SLC4A10: variants seen among roughly 807,000 people sequenced by gnomAD.
The protein encoded by SLC4A10 is solute carrier family 4 member 10.
Under a neutral mutation model 137.7 loss-of-function variants are expected in SLC4A10, and 42 were observed. The ratio of observed to expected loss-of-function variants is 0.30; its 90% CI spans 0.24 to 0.39. The LOEUF is 0.39. Among genes scored for constraint, SLC4A10 ranks in the 10% least tolerant of loss-of-function variants. The pLI is 1.00. For synonymous variants in SLC4A10, 474 were observed against 464.1 expected, an observed-to-expected ratio of 1.02 and a Z score of -0.27; for missense variants, 925 against 1,355.0, an observed-to-expected ratio of 0.68 and a Z score of 4.98.
At chr2:161,757,688 G>C (rs1574803750) in intron 1 of SLC4A10, among the ~76,000 whole-genome samples, 1 of 152,092 alleles carries the variant, frequency 6.6e-6, no homozygotes, top group East Asian at 1.9e-4. Context: ...CCACTCTACT[G>C]CCTCTTATAA....
intron 1 of SLC4A10, among the ~76,000 whole-genome samples, chr2:161,632,353 A>G (rs2033702232): frequency 6.6e-6 from 1 of 151,618 alleles, no homozygotes; most frequent in Non-Finnish European, 1.5e-5. Context: ...TTTTCTGGGA[A>G]TAAACCTCTC....
intron 25 of SLC4A10, 87 bp from the exon 26 acceptor site, chr2:161,977,635 G>A: frequency 8.8e-7 from 1 of 1,135,270 alleles, no homozygotes; most frequent in South Asian, 1.5e-5. Flanking sequence ...TTGGGACAGT[G>A]TTTACTATAA....
Position 161,984,496 on chromosome 2 carries a change from A to G in SLC4A10, c.*1344A>G, listed in dbSNP as rs1459771654. ...ATAATACTCCAATATTCCGTTTTATAATAATTCAGAGCCCTGTGGCTTTTA... is the reference window on the plus strand; with the variant it reads ...ATAATACTCCAATATTCCGTTTTATGATAATTCAGAGCCCTGTGGCTTTTA... On this transcript the variant is annotated 3_prime_UTR_variant, in exon 27 of 27. Coordinates refer to ENST00000446997, the MANE Select transcript of SLC4A10 (RefSeq NM_001178015.2). 1 of 152,160 alleles carries G rather than the reference A, an allele frequency of 6.6e-6. No individual in the cohort carries two copies. Among genetic ancestry groups the G allele is most frequent in the East Asian group, 1.9e-4 (1 of 5,204 alleles). 9.4% of individuals were successfully genotyped at this position (152,160 alleles called of 1,614,324 possible). A position where few individuals can be genotyped will look rare whatever the true frequency, so the allele number is the denominator to read the frequency against.
At chr2:161,946,400 G>T (rs1479639212) in intron 16 of SLC4A10, among the ~76,000 whole-genome samples, 3 of 152,006 alleles carry the variant, frequency 2.0e-5, no homozygotes, top group Admixed American at 6.6e-5. Context: ...TCTTTGGAGT[G>T]TATTTACTTT....
At chr2:161,839,948 G>T in intron 4 of SLC4A10, 21 bp downstream of exon 4, 1 of 1,613,190 alleles carries the variant, frequency 6.2e-7, no homozygotes. Flanking sequence ...TTGTTAAAGG[G>T]TGAAGGTATA....
chr2:161,968,600 G>T (rs1361984616), intron 23 of SLC4A10, among the ~76,000 whole-genome samples: 1 of 152,070 alleles, frequency 6.6e-6, no homozygotes, highest in East Asian at 1.9e-4. Flanking sequence ...TCTCAGATGG[G>T]TTAATATGAT....
At chr2:161,814,319 A>C (rs1264211691) in intron 3 of SLC4A10, among the ~76,000 whole-genome samples, 1 of 152,142 alleles carries the variant, frequency 6.6e-6, no homozygotes, top group Non-Finnish European at 1.5e-5. Context: ...ATGCTTACAC[A>C]CTGTTGGTGG....
chr2:161,694,558 A>G (rs1319474063), intron 1 of SLC4A10, among the ~76,000 whole-genome samples: 2 of 151,900 alleles, frequency 1.3e-5, no homozygotes, highest in East Asian at 1.9e-4. Context: ...AAGTAACAGG[A>G]AAAAAAACAC....
chr2:161,857,619 T>A (rs2060180211), intron 5 of SLC4A10, among the ~76,000 whole-genome samples: 1 of 152,298 alleles, frequency 6.6e-6, no homozygotes, highest in South Asian at 2.1e-4. Context: ...TTTCTCTCTA[T>A]AGTTTGTAAT....
chr2:161,811,571 T>G (rs996026247), intron 3 of SLC4A10, among the ~76,000 whole-genome samples: 6 of 152,026 alleles, frequency 3.9e-5, no homozygotes, highest in African/African-American at 1.4e-4. Context: ...ATTGTGTATC[T>G]TTTTTGACAT....
intron 1 of SLC4A10, among the ~76,000 whole-genome samples, chr2:161,661,387 A>G (rs887952766): frequency 8.5e-5 from 13 of 152,214 alleles, no homozygotes; most frequent in Non-Finnish European, 1.6e-4. Flanking sequence ...AGGCAGGAGA[A>G]TCACTTGAAC....
chr2:161,978,809 A>G (rs1699803415), intron 26 of SLC4A10, among the ~76,000 whole-genome samples: 1 of 152,128 alleles, frequency 6.6e-6, no homozygotes, highest in African/African-American at 2.4e-5. Context: ...TTTGGTTGGT[A>G]TTTTCTGTCT....
At chr2:161,962,745 G>A (rs1696937362) in intron 21 of SLC4A10, among the ~76,000 whole-genome samples, 1 of 152,126 alleles carries the variant, frequency 6.6e-6, no homozygotes. Context: ...GGAAGGCCAT[G>A]TCATGCCATA....
chr2:161,976,856 G>A lies in SLC4A10; in HGVS notation c.3324G>A (p.Glu1108=), dbSNP rs761968427. 1 of 1,590,426 alleles carries A rather than the reference G, an allele frequency of 6.3e-7. No homozygotes were observed. Among genetic ancestry groups the A allele is most frequent in the Non-Finnish European group, 8.6e-7 (1 of 1,167,982 alleles). The change falls in exon 25 of 27, where the codon GAG becomes GAA. Residue 1108 remains glutamate, a synonymous_variant. Transcript: ENST00000446997. ...CTGCCGATAACTCAAAAGATAAGGA[G>A]TCAAGCTTTCCTTCCAAAAGGTTTG... ...LITADNSKDK[E]SSFPSKSSPS
At chr2:161,897,441 GC>G (rs776697705) in intron 11 of SLC4A10, among the ~76,000 whole-genome samples, 1 of 152,060 alleles carries the variant, frequency 6.6e-6, no homozygotes, top group African/African-American at 2.4e-5. Context: ...AATTGACCCA[GC>G]CCTGGAATTA....
At chr2:161,730,420 T>A (rs2046695756) in intron 1 of SLC4A10, among the ~76,000 whole-genome samples, 2 of 152,246 alleles carry the variant, frequency 1.3e-5, no homozygotes, top group African/African-American at 4.8e-5. Flanking sequence ...ATTATCTGTC[T>A]ATTTATCTAT....
At chr2:161,754,946 A>T (rs1238167380) in intron 1 of SLC4A10, among the ~76,000 whole-genome samples, 6 of 152,186 alleles carry the variant, frequency 3.9e-5, no homozygotes, top group Admixed American at 3.9e-4. Context: ...TGTCAAAAGC[A>T]GGCAAGTTGG....
intron 2 of SLC4A10, among the ~76,000 whole-genome samples, chr2:161,776,222 T>A (rs550620977): frequency 6.6e-6 from 1 of 152,014 alleles, no homozygotes; most frequent in South Asian, 2.1e-4. Flanking sequence ...CCATTCCCCC[T>A]CAGAGGCATA....
chr2:161,976,041 C>A (rs544264011), intron 24 of SLC4A10, among the ~76,000 whole-genome samples: 1 of 152,168 alleles, frequency 6.6e-6, no homozygotes, highest in East Asian at 1.9e-4. Context: ...TAGGGGCAAG[C>A]GTTTAAGCAA....
Sources: allele counts gnomAD v4.1 joint callset (sites outside exome capture counted in the v4.1 genomes callset), GRCh38; gene constraint gnomAD v4.1.1; transcripts MANE v1.5; gene names NCBI Gene and HGNC (gene_info 2026-07-23, HGNC 2026-07-21).